Variants in TBC1D32 observed in about 807,000 individuals in gnomAD.
TBC1D32 encodes the protein TBC1 domain family member 32.
A neutral mutation model predicts 170.3 loss-of-function variants in TBC1D32; 151 were observed. The observed-to-expected ratio is 0.89, with a 90% confidence interval of 0.78 to 1.01. TBC1D32 has a LOEUF of 1.01. Among genes scored for constraint, TBC1D32 ranks in the 50% least tolerant of loss-of-function variants. TBC1D32 has a pLI of 0.00. For missense variants in TBC1D32, 1,464 were observed against 1,457.1 expected (o/e 1.00, Z -0.08); for synonymous variants, 498 against 488.0 (o/e 1.02, Z -0.27).
intron 26 of TBC1D32, among the ~76,000 whole-genome samples, chr6:121,119,190 C>T (rs1339343443): frequency 6.6e-6 from 1 of 152,138 alleles, no homozygotes. Context: ...TTAAAAAGCA[C>T]ATTGCCTGAA....
chr6:121,089,305 T>G (rs1472731818), intron 31 of TBC1D32, among the ~76,000 whole-genome samples: 1 of 152,036 alleles, frequency 6.6e-6, no homozygotes, highest in Admixed American at 6.6e-5. Context: ...CAAAAACACA[T>G]ATAAAATAAT....
chr6:121,310,645 A>T (rs577609945), intron 4 of TBC1D32, 134 bp downstream of exon 4: 1 of 622,920 alleles, frequency 1.6e-6, no homozygotes, highest in South Asian at 2.0e-5. Context: ...TTTACCAGGG[A>T]TATCAGTCCA....
At chr6:121,263,599 A>G (rs1800060642) in intron 15 of TBC1D32, among the ~76,000 whole-genome samples, 1 of 152,208 alleles carries the variant, frequency 6.6e-6, no homozygotes, top group Admixed American at 6.5e-5. Context: ...AGAGGACCTA[A>G]TAGATATCTA....
At chr6:121,142,787 T>A (rs1398854280) in intron 24 of TBC1D32, among the ~76,000 whole-genome samples, 1 of 152,160 alleles carries the variant, frequency 6.6e-6, no homozygotes, top group Admixed American at 6.6e-5. Flanking sequence ...GACTAGCCAA[T>A]GGGGTAATAA....
intron 29 of TBC1D32, among the ~76,000 whole-genome samples, chr6:121,106,465 T>G (rs1778695574): frequency 6.6e-6 from 1 of 152,042 alleles, no homozygotes; most frequent in South Asian, 2.1e-4. Context: ...AGGAGGGCTG[T>G]TACATGAAAG....
chr6:121,161,882 G>C (rs1317698092), intron 22 of TBC1D32, among the ~76,000 whole-genome samples: 1 of 152,140 alleles, frequency 6.6e-6, no homozygotes, highest in Non-Finnish European at 1.5e-5. Context: ...ATTCTGACTG[G>C]TGCGAGATGA....
chr6:121,193,987 G>A (rs1306947697), intron 22 of TBC1D32, among the ~76,000 whole-genome samples: 1 of 151,814 alleles, frequency 6.6e-6, no homozygotes, highest in Non-Finnish European at 1.5e-5. Flanking sequence ...CTTCAGCTTT[G>A]TACCTTCAGC....
At chr6:121,303,869 A>C in intron 8 of TBC1D32, 108 bp from the exon 9 acceptor site, 1 of 719,892 alleles carries the variant, frequency 1.4e-6, no homozygotes, top group Non-Finnish European at 2.0e-6. Flanking sequence ...CATTTTTTCT[A>C]TTTCAGTAAA....
At chr6:121,178,699 T>C (rs1052081628) in intron 22 of TBC1D32, among the ~76,000 whole-genome samples, 5 of 152,156 alleles carry the variant, frequency 3.3e-5, no homozygotes, top group Non-Finnish European at 7.3e-5. Context: ...GGTGATACAA[T>C]GGATGTGATT....
Position 121,239,099 on chromosome 6 carries a change from C to G in TBC1D32, c.2335G>C (p.Val779Leu), listed in dbSNP as rs745336213. The G allele has an allele frequency of 1.9e-6, 3 of 1,601,002 alleles. No individual in the cohort carries two copies. In the South Asian group the frequency reaches 3.4e-5, roughly 18 times the overall value. Residue 779 changes from valine (V) to leucine (L), a missense_variant, in exon 20 of 32, where the codon GTG (valine) becomes CTG (leucine). Physicochemically the swap from Val to Leu is conservative, Grantham distance 32. Transcript: ENST00000398212. The part of the protein sequence containing the change: ...VRVTHPRTTP[V>L]DPIDRSCQKS... ...TGACAGCTTCGGTCAATAGGATCCA[C>G]TGGAGTAGTTCTGGGATGGGTTACC...
intron 22 of TBC1D32, among the ~76,000 whole-genome samples, chr6:121,184,013 A>G (rs1206170478): frequency 6.6e-6 from 1 of 152,094 alleles, no homozygotes; most frequent in Non-Finnish European, 1.5e-5. Context: ...ACAATAGTGT[A>G]TCTGTTCATT....
At chr6:121,156,165 C>T (rs997036946) in intron 24 of TBC1D32, among the ~76,000 whole-genome samples, 11 of 149,894 alleles carry the variant, frequency 7.3e-5, no homozygotes, top group Non-Finnish European at 1.3e-4. Flanking sequence ...GGTTGTTAGG[C>T]TTTGTATTAC....
intron 21 of TBC1D32, among the ~76,000 whole-genome samples, chr6:121,214,336 C>T (rs556270683): frequency 6.6e-6 from 1 of 152,334 alleles, no homozygotes; most frequent in Non-Finnish European, 1.5e-5. Context: ...TCATTCCACC[C>T]ATTCGGCCTG....
intron 9 of TBC1D32, among the ~76,000 whole-genome samples, chr6:121,300,001 A>C (rs72963310): frequency 0.014 from 2,159 of 152,322 alleles, 29 homozygotes; most frequent in Middle Eastern, 0.031. Flanking sequence ...AAAGAGCTTT[A>C]AATCTCTCCT....
intron 24 of TBC1D32, among the ~76,000 whole-genome samples, chr6:121,141,475 A>G (rs919683152): frequency 6.6e-6 from 1 of 152,164 alleles, no homozygotes; most frequent in Non-Finnish European, 1.5e-5. Flanking sequence ...AAATAACTCA[A>G]TTAAAAATGG....
chr6:121,308,230 C>A (rs769636528), intron 4 of TBC1D32, 129 bp from the exon 5 acceptor site: 2 of 885,652 alleles, frequency 2.3e-6, no homozygotes, highest in Non-Finnish European at 3.4e-6. Flanking sequence ...TTATCAGATG[C>A]CTTTATATTA....
chr6:121,299,331 T>C, intron 10 of TBC1D32, 115 bp downstream of exon 10: 2 of 1,186,826 alleles, frequency 1.7e-6, no homozygotes, highest in Middle Eastern at 3.0e-4. Context: ...AAAAGGCGAA[T>C]TGCTTCATTA....
In TBC1D32 at chr6:121,259,554, C is replaced by A. The variant is rs565719485; in HGVS notation, c.1734-3269G>T. On this transcript the variant is annotated intron_variant, in intron 15 of 31. Transcript: ENST00000398212. ...ACATTCACTGCTCCCTTCATAAATA[C>A]TAAAATTCAAAGTAAAAGGATTTTC... is the stretch of plus-strand genomic sequence containing the variant. Among the ~76,000 whole-genome samples the A allele has an allele frequency of 1.1e-4, 17 of 152,102 alleles. 1 individual carries two copies. The highest frequency in any genetic ancestry group is 1.1e-3 in the Admixed American group (17 of 15,264).
intron 15 of TBC1D32, among the ~76,000 whole-genome samples, chr6:121,258,960 G>A (rs1269214209): frequency 6.6e-6 from 1 of 151,198 alleles, no homozygotes; most frequent in Non-Finnish European, 1.5e-5. Context: ...TTCAATGTGA[G>A]GGAGACTTTC....
Sources: allele counts gnomAD v4.1 joint callset (sites outside exome capture counted in the v4.1 genomes callset), GRCh38; gene constraint gnomAD v4.1.1; transcripts MANE v1.5; gene names NCBI Gene and HGNC (gene_info 2026-07-23, HGNC 2026-07-21).